Variants in NBAS observed in about 807,000 individuals in gnomAD.
NBAS encodes NAG/BC035112 fusion.
Under a neutral mutation model 302.5 loss-of-function variants are expected in NBAS, and 219 were observed. The ratio of observed to expected loss-of-function variants is 0.72; its 90% confidence interval spans 0.65 to 0.81. The LOEUF (loss-of-function observed/expected upper bound fraction) is 0.81, where lower values mean the gene tolerates loss of function less well. NBAS is among the 30% of genes least tolerant of loss of function. The pLI is 0.00. For synonymous variants in NBAS, 1,118 were observed against 1,021.6 expected, an observed-to-expected ratio of 1.09 and a Z score of -1.80; for missense variants, 2,932 against 2,841.6, an observed-to-expected ratio of 1.03 and a Z score of -0.72.
chr2:14,919,032 T>G, the NBAS span, among the ~76,000 whole-genome samples: 1 of 152,046 alleles, frequency 6.6e-6, no homozygotes, highest in Non-Finnish European at 1.5e-5. Flanking sequence ...GCAGCACCAA[T>G]TTCCAGGATA....
the NBAS span, among the ~76,000 whole-genome samples, chr2:15,034,328 G>GCAGA: frequency 6.6e-6 from 1 of 151,464 alleles, no homozygotes; most frequent in Non-Finnish European, 1.5e-5. Flanking sequence ...AGGAAGGCAG[G>GCAGA]CAGGCAGGCA....
At chr2:15,221,122 G>C (rs748295147) in intron 47 of NBAS, among the ~76,000 whole-genome samples, 7 of 152,160 alleles carry the variant, frequency 4.6e-5, no homozygotes, top group Non-Finnish European at 1.0e-4. Flanking sequence ...AAAATAGGAT[G>C]CTACAAGTAT....
chr2:15,430,169 G>A (rs1677691080), intron 21 of NBAS, among the ~76,000 whole-genome samples: 1 of 152,102 alleles, frequency 6.6e-6, no homozygotes, highest in Admixed American at 6.6e-5. Flanking sequence ...AGAGTTATTA[G>A]GAACCCTCAG....
intron 31 of NBAS, among the ~76,000 whole-genome samples, chr2:15,370,633 T>C (rs1319273678): frequency 6.6e-6 from 1 of 152,192 alleles, no homozygotes; most frequent in Non-Finnish European, 1.5e-5. Context: ...CAGTGTGCCC[T>C]GGATGTGAGA....
chr2:14,918,588 A>G, the NBAS span, among the ~76,000 whole-genome samples: 1 of 152,248 alleles, frequency 6.6e-6, no homozygotes, highest in Non-Finnish European at 1.5e-5. Context: ...AAAGAGCCTG[A>G]TGCCATAGAG....
chr2:14,787,009 T>C, the NBAS span, among the ~76,000 whole-genome samples: 5 of 152,214 alleles, frequency 3.3e-5, no homozygotes, highest in African/African-American at 1.2e-4. Flanking sequence ...AGTGCTCCCG[T>C]ATTGGGTGCA....
intron 49 of NBAS, 73 bp from the exon 50 acceptor site, chr2:15,186,953 C>T: frequency 6.3e-7 from 1 of 1,585,960 alleles, no homozygotes; most frequent in African/African-American, 1.3e-5. Flanking sequence ...AATTTTAAAA[C>T]AAGTGAAATG....
intron 10 of NBAS, among the ~76,000 whole-genome samples, chr2:15,505,624 A>AGGCACC (rs1300453910): frequency 6.6e-6 from 1 of 152,222 alleles, no homozygotes; most frequent in Non-Finnish European, 1.5e-5. Context: ...TGACAAAAGA[A>AGGCACC]GGCACCGTTA....
At chr2:14,957,977 T>C in the NBAS span, among the ~76,000 whole-genome samples, 1 of 152,192 alleles carries the variant, frequency 6.6e-6, no homozygotes, top group African/African-American at 2.4e-5. Context: ...TCTGGATGAT[T>C]CTCGAGATAA....
the NBAS span, among the ~76,000 whole-genome samples, chr2:15,161,604 C>T: frequency 2.6e-5 from 4 of 152,184 alleles, no homozygotes; most frequent in African/African-American, 9.7e-5. Context: ...GCACTTCTGT[C>T]CTGGCTACAC....
chr2:14,900,112 C>CTTTTTTTTTTTTTTTT, the NBAS span, among the ~76,000 whole-genome samples: 5 of 140,636 alleles, frequency 3.6e-5, 1 homozygote, highest in African/African-American at 2.6e-5. Context: ...AAGTCACATG[C>CTTTTTTTTTTTTTTTT]TTTTTTTTTT....
intron 33 of NBAS, among the ~76,000 whole-genome samples, chr2:15,355,886 C>A (rs1385698610): frequency 2.0e-5 from 3 of 152,056 alleles, no homozygotes; most frequent in South Asian, 4.2e-4. Context: ...TCAGGTATTT[C>A]TTTATAGCAG....
chr2:15,532,070 GAATA>G (rs1233588687), intron 9 of NBAS, among the ~76,000 whole-genome samples: 1 of 152,106 alleles, frequency 6.6e-6, no homozygotes, highest in Non-Finnish European at 1.5e-5. Flanking sequence ...CTTGTTGAAT[GAATA>G]AATGAATAAA....
At chr2:15,210,235 G>A (rs997334096) in intron 48 of NBAS, among the ~76,000 whole-genome samples, 1 of 151,976 alleles carries the variant, frequency 6.6e-6, no homozygotes, top group Non-Finnish European at 1.5e-5. Context: ...TCTGACAAGG[G>A]ATTAAAAACC....
chr2:14,801,359 A>AT, the NBAS span, among the ~76,000 whole-genome samples: 10 of 152,100 alleles, frequency 6.6e-5, no homozygotes, highest in African/African-American at 2.4e-4. Flanking sequence ...ATTTTAAAAA[A>AT]TTTTTTGTGT....
chr2:15,371,774 G>A (rs1237196942), intron 31 of NBAS, among the ~76,000 whole-genome samples: 2 of 152,106 alleles, frequency 1.3e-5, no homozygotes, highest in African/African-American at 2.4e-5. Context: ...GAAAGCAAAG[G>A]GGGGATGGAA....
At chr2:14,884,813 A>T in the NBAS span, among the ~76,000 whole-genome samples, 1 of 152,224 alleles carries the variant, frequency 6.6e-6, no homozygotes, top group Admixed American at 6.5e-5. Context: ...TCAGGAATGT[A>T]ATCGAGGAAG....
chr2:15,351,194 TCA>T (rs1194544516), intron 35 of NBAS, among the ~76,000 whole-genome samples: 1 of 152,172 alleles, frequency 6.6e-6, no homozygotes, highest in East Asian at 1.9e-4. Flanking sequence ...TGAATGGATC[TCA>T]CAAACATAAC....
intron 35 of NBAS, among the ~76,000 whole-genome samples, chr2:15,351,174 T>G (rs1673337888): frequency 6.6e-6 from 1 of 152,192 alleles, no homozygotes; most frequent in Non-Finnish European, 1.5e-5. Flanking sequence ...TACAGCTACA[T>G]ATAACAGCAT....
Sources: allele counts gnomAD v4.1 joint callset (sites outside exome capture counted in the v4.1 genomes callset), GRCh38; gene constraint gnomAD v4.1.1; transcripts MANE v1.5; gene names NCBI Gene and HGNC (gene_info 2026-07-23, HGNC 2026-07-21).